ROBO2: variants seen among roughly 807,000 people sequenced by gnomAD.
ROBO2 encodes the protein roundabout homolog 2.
In ROBO2, 53 loss-of-function variants were observed where a neutral mutation model predicts 160.8. The observed-to-expected ratio is 0.33, with a 90% CI of 0.26 to 0.41. The LOEUF (loss-of-function observed/expected upper bound fraction) is 0.41. ROBO2 is among the 10% of genes least tolerant of loss of function. The probability of loss-of-function intolerance (pLI) is 1.00; values close to 1 mark genes in which losing one functional copy is unlikely to be tolerated. For synonymous variants in ROBO2, 664 were observed against 611.7 expected (o/e 1.09, Z -1.26); for missense variants, 1,577 against 1,722.4 (o/e 0.92, Z 1.49).
chr3:76,416,089 A>G (rs2075746360), intron 2 of ROBO2, among the ~76,000 whole-genome samples: 2 of 152,270 alleles, frequency 1.3e-5, no homozygotes, highest in South Asian at 4.1e-4. Context: ...TACTAAAGCA[A>G]TATGTTATTT....
At chr3:77,155,080 T>A (rs192272842) in intron 2 of ROBO2, among the ~76,000 whole-genome samples, 4 of 151,848 alleles carry the variant, frequency 2.6e-5, no homozygotes, top group African/African-American at 9.7e-5. Flanking sequence ...AATAAATAAA[T>A]AAAATGGATT....
At chr3:77,281,627 A>G (rs2060245987) in intron 2 of ROBO2, among the ~76,000 whole-genome samples, 1 of 152,194 alleles carries the variant, frequency 6.6e-6, no homozygotes, top group Non-Finnish European at 1.5e-5. Flanking sequence ...GATATAAAAT[A>G]ACATATTATT....
intron 1 of ROBO2, among the ~76,000 whole-genome samples, chr3:77,075,188 C>T (rs2149871307): frequency 6.6e-6 from 1 of 152,238 alleles, no homozygotes; most frequent in South Asian, 2.1e-4. Context: ...GAACAACCGA[C>T]CAGGTTTTTT....
chr3:76,499,267 G>A (rs1503128), intron 2 of ROBO2, among the ~76,000 whole-genome samples: 21,635 of 152,048 alleles, frequency 0.14, 2,318 homozygotes, highest in African/African-American at 0.27. Context: ...AAAAGTAGGG[G>A]AAAATATAAT....
chr3:77,412,138 C>CTT (rs71104684), intron 2 of ROBO2, among the ~76,000 whole-genome samples: 23,554 of 152,080 alleles, frequency 0.15, 2,155 homozygotes, highest in East Asian at 0.33. Context: ...CTAAAAGTAC[C>CTT]CCAGGCAGTG....
intron 2 of ROBO2, among the ~76,000 whole-genome samples, chr3:76,446,921 C>T (rs2077212493): frequency 6.6e-6 from 1 of 152,148 alleles, no homozygotes; most frequent in Non-Finnish European, 1.5e-5. Flanking sequence ...AATATTAGAT[C>T]TAAAACCATA....
chr3:77,269,254 A>G (rs1560387815), intron 2 of ROBO2, among the ~76,000 whole-genome samples: 1 of 152,206 alleles, frequency 6.6e-6, no homozygotes, highest in Non-Finnish European at 1.5e-5. Flanking sequence ...TCTTATCAAC[A>G]TGGATAACTG....
At chr3:77,081,535 C>T (rs2068657665) in intron 1 of ROBO2, among the ~76,000 whole-genome samples, 1 of 152,152 alleles carries the variant, frequency 6.6e-6, no homozygotes, top group African/African-American at 2.4e-5. Context: ...ATGCAAGAAG[C>T]ATATCATTAA....
chr3:76,248,569 C>A (rs1403153344), intron 2 of ROBO2, among the ~76,000 whole-genome samples: 1 of 151,008 alleles, frequency 6.6e-6, no homozygotes, highest in South Asian at 2.1e-4. Context: ...TGCAGCACAC[C>A]AGCATGGCAC....
intron 1 of ROBO2, among the ~76,000 whole-genome samples, chr3:77,083,119 A>G (rs544491224): frequency 1.3e-5 from 2 of 152,276 alleles, no homozygotes; most frequent in East Asian, 1.9e-4. Flanking sequence ...TCAAATTTTC[A>G]GTGAACTAAA....
intron 2 of ROBO2, among the ~76,000 whole-genome samples, chr3:76,362,618 G>A (rs1184037228): frequency 1.3e-5 from 2 of 152,098 alleles, no homozygotes; most frequent in African/African-American, 4.8e-5. Context: ...TGTGTAATAT[G>A]TTGCTTTGAG....
chr3:77,219,276 G>A (rs573073628), intron 2 of ROBO2, among the ~76,000 whole-genome samples: 4 of 151,460 alleles, frequency 2.6e-5, no homozygotes, highest in Non-Finnish European at 4.4e-5. Flanking sequence ...ACTGGGCCTC[G>A]ACTTCTTTTT....
intron 2 of ROBO2, among the ~76,000 whole-genome samples, chr3:77,459,541 C>T (rs2082019895): frequency 6.6e-6 from 1 of 152,146 alleles, no homozygotes; most frequent in African/African-American, 2.4e-5. Flanking sequence ...TTATTAAAAG[C>T]AGATAGATAA....
At chr3:77,418,025 G>T (rs1031540223) in intron 2 of ROBO2, among the ~76,000 whole-genome samples, 1 of 152,054 alleles carries the variant, frequency 6.6e-6, no homozygotes, top group Non-Finnish European at 1.5e-5. Context: ...AGGAATAAAT[G>T]AATGAATATA....
chr3:76,364,414 GA>G (rs1390947173), intron 2 of ROBO2, among the ~76,000 whole-genome samples: 1 of 151,918 alleles, frequency 6.6e-6, no homozygotes, highest in African/African-American at 2.4e-5. Flanking sequence ...TGAGCTTCAT[GA>G]AAGCAAGCAC....
chr3:77,518,376 G>T (rs1033939527), intron 5 of ROBO2, among the ~76,000 whole-genome samples: 2 of 151,438 alleles, frequency 1.3e-5, no homozygotes, highest in East Asian at 1.9e-4. Context: ...GATAATACTT[G>T]CAGACTTTCC....
intron 2 of ROBO2, among the ~76,000 whole-genome samples, chr3:77,364,872 A>G (rs2070609778): frequency 6.6e-6 from 1 of 152,178 alleles, no homozygotes. Context: ...TGCATGCAGG[A>G]GGCAGGAGCA....
At chr3:76,569,059 T>C (rs1469366480) in intron 2 of ROBO2, among the ~76,000 whole-genome samples, 1 of 152,210 alleles carries the variant, frequency 6.6e-6, no homozygotes, top group East Asian at 1.9e-4. Flanking sequence ...TCTCTGTATG[T>C]ATTATGGGCC....
At chr3:76,638,569 T>C (rs370742110) in intron 2 of ROBO2, among the ~76,000 whole-genome samples, 1 of 152,174 alleles carries the variant, frequency 6.6e-6, no homozygotes, top group Non-Finnish European at 1.5e-5. Context: ...ATTCAGAATG[T>C]TTATTTTTTG....
Sources: gnomAD v4.1 joint callset for allele counts (sites outside exome capture counted in the v4.1 genomes callset) on GRCh38, gnomAD v4.1.1 for gene constraint, MANE v1.5 for transcripts, NCBI Gene and HGNC (gene_info 2026-07-23, HGNC 2026-07-21) for gene names.